The following OR13A1 variants were observed in gnomAD, a reference collection of about 807,000 sequenced individuals.
OR13A1 encodes the protein olfactory receptor family 13 subfamily A member 1.
Under a neutral mutation model 7.5 loss-of-function variants are expected in OR13A1, and 10 were observed. The ratio of observed to expected loss-of-function variants is 1.34; its 90% CI spans 0.83 to 2.27. The LOEUF is 2.27. Ranked by LOEUF, OR13A1 falls within the 30% of genes most tolerant of loss-of-function variation. The pLI, the probability that OR13A1 is intolerant of heterozygous loss-of-function variation, is 0.00. For synonymous variants in OR13A1, 238 were observed against 177.9 expected (o/e 1.34, Z -2.69); for missense variants, 509 against 419.1 (o/e 1.21, Z -1.87).
At chr10:45,315,076 CA>C (rs35768835) in intron 1 of OR13A1, among the ~76,000 whole-genome samples, 11,584 of 152,196 alleles carry the variant, frequency 0.076, 573 homozygotes, top group East Asian at 0.18. Flanking sequence ...CAAAGTCAAA[CA>C]AAGACATTAC....
At position 45,303,837 on chromosome 10, in the gene OR13A1, A is replaced by G. The variant is rs1838262070; in HGVS notation, c.586T>C (p.Phe196Leu). 1 of 1,612,840 alleles carries G rather than the reference A, an allele frequency of 6.2e-7. No individual in the cohort carries two copies. The highest frequency in any genetic ancestry group is 8.5e-7 in the Non-Finnish European group (1 of 1,180,044). The stretch of plus-strand genomic sequence containing the variant: ...AGCAGCAGGGGAGGGACCTCGCAGA[A>G]GAAATGGATAATGACATTGGGGCCA... Reference protein sequence around the residue: ...FCGPNVIIHFFCEVPPLLLLS... With the variant: ...FCGPNVIIHFLCEVPPLLLLS... Residue 196 changes from phenylalanine (F) to leucine (L), a missense_variant, in exon 4 of 4, where the codon TTC becomes CTC. Coordinates refer to ENST00000553795, the MANE Select transcript of OR13A1 (RefSeq NM_001004297.3).
Position 45,302,761 on chromosome 10 carries a change from G to A in OR13A1, c.*675C>T, listed in dbSNP as rs1181858820. ...AAGGATAGCAATGCCTTACTACAATGCCGTTTAACTTATTAGAGCTGACTC... is the reference window on the plus strand; with the variant it reads ...AAGGATAGCAATGCCTTACTACAATACCGTTTAACTTATTAGAGCTGACTC... On this transcript the variant is annotated 3_prime_UTR_variant, in exon 4 of 4. Transcript: ENST00000553795. The A allele has an allele frequency of 6.6e-6, 1 of 152,202 alleles. No individual in the cohort carries two copies. Among genetic ancestry groups the A allele is most frequent in the Non-Finnish European group, 1.5e-5 (1 of 68,050 alleles). 9.4% of individuals were successfully genotyped at this position (152,202 alleles called of 1,614,324 possible). A position where few individuals can be genotyped will look rare whatever the true frequency, so the allele number is the denominator to read the frequency against.
chr10:45,309,910 T>C (rs547983960), intron 1 of OR13A1, among the ~76,000 whole-genome samples: 3 of 152,342 alleles, frequency 2.0e-5, no homozygotes, highest in Admixed American at 2.0e-4. Flanking sequence ...CCGTAGTCTC[T>C]CTGAATCCCA....
At chr10:45,314,744 T>C (rs1212613863) in intron 1 of OR13A1, among the ~76,000 whole-genome samples, 1 of 152,084 alleles carries the variant, frequency 6.6e-6, no homozygotes, top group Non-Finnish European at 1.5e-5. Flanking sequence ...ACCCATGCCA[T>C]AGAAATCAAA....
chr10:45,307,710 T>G (rs907214203), intron 2 of OR13A1, 29 bp downstream of exon 2: 5 of 152,232 alleles, frequency 3.3e-5, no homozygotes, highest in African/African-American at 1.2e-4. Flanking sequence ...AAACACATAC[T>G]GCATTCAGAC....
intron 1 of OR13A1, chr10:45,308,926 C>T (rs1248324247): frequency 1.3e-5 from 2 of 152,222 alleles, no homozygotes; most frequent in Admixed American, 6.5e-5. Flanking sequence ...TCTTTAGCAA[C>T]ATTTGTCACT....
intron 1 of OR13A1, among the ~76,000 whole-genome samples, chr10:45,313,675 A>G (rs1337111191): frequency 6.6e-6 from 1 of 152,172 alleles, no homozygotes; most frequent in Non-Finnish European, 1.5e-5. Flanking sequence ...AGACAAAAAA[A>G]TGGATATTAT....
At position 45,303,826 on chromosome 10, in the gene OR13A1, G is replaced by A. The variant is rs760580580; in HGVS notation, c.597C>T (p.Val199=). 3.7e-6 allele frequency: 6 copies of A among 1,612,882 alleles called. No individual in the cohort carries two copies. The highest frequency in any genetic ancestry group is 3.3e-5 in the Admixed American group (2 of 60,034). Residue 199 remains valine (V), a synonymous_variant, in exon 4 of 4, where the codon GTC becomes GTT. Coordinates refer to ENST00000553795, the MANE Select transcript of OR13A1 (RefSeq NM_001004297.3). ...TGCAGGAGAGAAGCAGCAGGGGAGG[G>A]ACCTCGCAGAAGAAATGGATAATGA... is the stretch of plus-strand genomic sequence containing the variant. ...PNVIIHFFCE[V]PPLLLLSCSS...
Position 45,304,302 on chromosome 10 carries a change from A to T in OR13A1, c.121T>A (p.Tyr41Asn), listed in dbSNP as rs1838283668. 1 of 1,614,166 alleles carries T rather than the reference A, an allele frequency of 6.2e-7. No individual in the cohort carries two copies. The highest frequency in any genetic ancestry group is 2.2e-5 in the East Asian group (1 of 44,886). ...AAACAGCTGAATAAGAACACCCGGTATTCTGGGTGCTCCGAAAAGCCCTGC... is the reference window on the plus strand; with the variant it reads ...AAACAGCTGAATAAGAACACCCGGTTTTCTGGGTGCTCCGAAAAGCCCTGC... ...ILQGFSEHPE[Y>N]RVFLFSCFLF... Residue 41 changes from tyrosine to asparagine, a missense_variant, in exon 4 of 4, where the codon TAC (tyrosine) becomes AAC (asparagine). By Grantham distance (143) the Tyr-to-Asn change is moderately radical. Transcript: ENST00000553795.
Position 45,303,644 on chromosome 10 carries a change from G to A in OR13A1, c.779C>T (p.Ser260Phe). The change falls in exon 4 of 4, where the codon TCT (serine) becomes TTT (phenylalanine). Residue 260 changes from serine to phenylalanine, a missense_variant. By Grantham distance (155) the Ser-to-Phe change is radical (BLOSUM62 -2). Transcript: ENST00000553795. ...WGRQKAFSTC[S>F]SHLTVVCMYY... The stretch of plus-strand genomic sequence containing the variant: ...CATGCACACCACGGTGAGGTGGGAA[G>A]AGCAGGTGGAGAAGGCTTTCTGCCT... 6.2e-7 allele frequency: 1 copy of A among 1,614,220 alleles called. No homozygotes were observed. Among genetic ancestry groups the A allele is most frequent in the Non-Finnish European group, 8.5e-7 (1 of 1,180,038 alleles).
rs760360802 is a variant in OR13A1 at position 45,303,784 on chromosome 10, G to A, written c.639C>T (p.Asn213=). ...CATCCGCCAGGACAATCATGACACC[G>A]TTGACGTAGGTGGAGCTGCAGGAGA... ...LLLSCSSTYV[N]GVMIVLADAF... is the part of the protein sequence containing the mutation. Residue 213 remains asparagine, a synonymous_variant, in exon 4 of 4, where the codon AAC becomes AAT. Coordinates refer to ENST00000553795, the MANE Select transcript of OR13A1 (RefSeq NM_001004297.3). The A allele has an allele frequency of 9.9e-6, 16 of 1,613,840 alleles. No individual in the cohort carries two copies. The highest frequency in any genetic ancestry group is 3.3e-4 in the Middle Eastern group (2 of 6,084).
At position 45,303,266 on chromosome 10, in the gene OR13A1, C is replaced by G. The variant is rs80169491; in HGVS notation, c.*170G>C. On this transcript the variant is annotated 3_prime_UTR_variant, in exon 4 of 4. Coordinates refer to ENST00000553795, the MANE Select transcript of OR13A1 (RefSeq NM_001004297.3). ...TCAGAGGCTGGTGGGTCACACCTAC[C>G]GCAATCCCCCCATCACCAAGTCTCA... 7 of 699,328 alleles carry G rather than the reference C, an allele frequency of 1.0e-5. No homozygotes were observed. In the South Asian group the frequency reaches 1.2e-4, roughly 12 times the overall value. 43.3% of individuals were successfully genotyped at this position (699,328 alleles called of 1,614,324 possible).
chr10:45,313,456 A>G (rs1040967261), intron 1 of OR13A1, among the ~76,000 whole-genome samples: 1 of 152,246 alleles, frequency 6.6e-6, no homozygotes, highest in Admixed American at 6.5e-5. Context: ...TTAAATGTAA[A>G]TGGATTAAAC....
rs751996682 is a variant in OR13A1, at chr10:45,303,858, G to A, written c.565C>T (p.Pro189Ser). The A allele has an allele frequency of 2.2e-5, 35 of 1,612,640 alleles. No individual in the cohort carries two copies. Among genetic ancestry groups the A allele is most frequent in the Non-Finnish European group, 2.5e-5 (29 of 1,180,046 alleles). Residue 189 changes from proline to serine, a missense_variant, in exon 4 of 4, where the codon CCC becomes TCC. Coordinates refer to ENST00000553795, the MANE Select transcript of OR13A1 (RefSeq NM_001004297.3). ...GLMLRLDFCG[P>S]NVIIHFFCEV... ...CAGAAGAAATGGATAATGACATTGG[G>A]GCCACAGAAATCCAAGCGCAGCATC...
intron 1 of OR13A1, among the ~76,000 whole-genome samples, chr10:45,313,368 G>A (rs982900263): frequency 1.2e-4 from 18 of 151,734 alleles, no homozygotes; most frequent in Non-Finnish European, 5.9e-5. Context: ...GTAAGAGAAG[G>A]AATAAAAAAC....
intron 1 of OR13A1, among the ~76,000 whole-genome samples, chr10:45,309,752 C>G (rs1838406146): frequency 6.6e-6 from 1 of 152,114 alleles, no homozygotes; most frequent in Non-Finnish European, 1.5e-5. Context: ...AGTTAGCAAG[C>G]AGAGAGCTGA....
chr10:45,306,832 G>C (rs1838339842), intron 3 of OR13A1, among the ~76,000 whole-genome samples: 2 of 152,216 alleles, frequency 1.3e-5, no homozygotes, highest in African/African-American at 4.8e-5. Flanking sequence ...TCAATAACTT[G>C]AGTGGAAGTA....
intron 3 of OR13A1, among the ~76,000 whole-genome samples, chr10:45,307,186 G>A (rs192518974): frequency 5.3e-5 from 8 of 152,174 alleles, no homozygotes; most frequent in Non-Finnish European, 8.8e-5. Context: ...GATGGAAAAC[G>A]CATCCATCAC....
chr10:45,312,977 A>G (rs1298509540), intron 1 of OR13A1, among the ~76,000 whole-genome samples: 3 of 152,106 alleles, frequency 2.0e-5, no homozygotes, highest in South Asian at 2.1e-4. Context: ...AAAGCTCTCC[A>G]GTAAAGATAA....
Sources: allele counts gnomAD v4.1 joint callset (sites outside exome capture counted in the v4.1 genomes callset), GRCh38; gene constraint gnomAD v4.1.1; transcripts MANE v1.5; gene names NCBI Gene and HGNC (gene_info 2026-07-23, HGNC 2026-07-21).